SPRED3: variants seen among roughly 807,000 people sequenced by gnomAD.
SPRED3 encodes sprouty related EVH1 domain containing 3.
A neutral mutation model predicts 37.6 loss-of-function variants in SPRED3; 23 were observed. The ratio of observed to expected loss-of-function variants is 0.61; its 90% CI spans 0.44 to 0.87. The LOEUF (loss-of-function observed/expected upper bound fraction) is 0.87, where lower values mean the gene tolerates loss of function less well. Ranked by LOEUF, SPRED3 falls within the 40% of genes least tolerant of loss-of-function variation. SPRED3 has a pLI of 0.00. For missense variants in SPRED3, 584 were observed against 618.6 expected (o/e 0.94, Z 0.59); for synonymous variants, 302 against 279.6 (o/e 1.08, Z -0.80).
chr19:38,397,173 G>A lies in SPRED3; in HGVS notation c.*1028G>A, dbSNP rs1008672284. 6.6e-6 allele frequency: 1 copy of A among 152,132 alleles called. No homozygotes were observed. Among genetic ancestry groups the A allele is most frequent in the Non-Finnish European group, 1.5e-5 (1 of 68,032 alleles). 9.4% of individuals were successfully genotyped at this position (152,132 alleles called of 1,614,324 possible). ...GATACTGGTCTCGAGTTCTCAAATA[G>A]CCCTCTCTTGCAGTCCCTCCTGGAC... On this transcript the variant is annotated 3_prime_UTR_variant, in exon 6 of 6. Transcript: ENST00000691638.
Position 38,394,332 on chromosome 19 carries a change from C to T in SPRED3, c.424-311C>T, listed in dbSNP as rs775824605. On this transcript the variant is annotated intron_variant, in intron 4 of 5. Coordinates refer to ENST00000691638, the MANE Select transcript of SPRED3 (RefSeq NM_001394336.1). Reference sequence around the variant, plus strand: ...GAGCTGATTAGATCAGGAGAAGAGTCCCACAAAAATAACAATAACCATTTC... The same window carrying T: ...GAGCTGATTAGATCAGGAGAAGAGTTCCACAAAAATAACAATAACCATTTC... 3 of 1,508,186 alleles carry T rather than the reference C, an allele frequency of 2.0e-6. No homozygotes were observed. The South Asian group carries it at 3.4e-5, about 17-fold the overall frequency. The allele number at this position is 1,508,186 out of a possible 1,614,324, so 93.4% of individuals were successfully genotyped here. A position where few individuals can be genotyped will look rare whatever the true frequency, so the allele number is the denominator to read the frequency against.
At chr19:38,394,994 C>T (rs543777552) in intron 5 of SPRED3, among the ~76,000 whole-genome samples, 2 of 152,172 alleles carry the variant, frequency 1.3e-5, no homozygotes, top group Non-Finnish European at 2.9e-5. Flanking sequence ...GCGGGCCTCC[C>T]GAGTCTCCTT....
At chr19:38,392,329 G>A in intron 4 of SPRED3, 41 bp downstream of exon 4, 2 of 1,466,990 alleles carry the variant, frequency 1.4e-6, no homozygotes, top group Non-Finnish European at 1.8e-6. Context: ...GAGGGTAGGG[G>A]TTTTGTTTTT....
chr19:38,396,695 CCAGGACCCCTGAGACAG>C lies in SPRED3; in HGVS notation c.*565_*581del, dbSNP rs946041172. ...CCACATCTGAGACATTCTCATAGTC[CCAGGACCCCTGAGACAG>C]CAGGACCCCTGAGAAAGTTTCAAAC... On this transcript the variant is annotated 3_prime_UTR_variant, in exon 6 of 6. Coordinates refer to ENST00000691638, the MANE Select transcript of SPRED3 (RefSeq NM_001394336.1). 10 of 152,122 alleles carry C rather than the reference CCAGGACCCCTGAGACAG, an allele frequency of 6.6e-5. No individual in the cohort carries two copies. Among genetic ancestry groups the C allele is most frequent in the African/African-American group, 1.9e-4 (8 of 41,416 alleles). The allele number at this position is 152,122 out of a possible 1,614,324, so 9.4% of individuals were successfully genotyped here.
chr19:38,394,440 C>A, intron 4 of SPRED3: 2 of 1,497,834 alleles, frequency 1.3e-6, no homozygotes, highest in Non-Finnish European at 1.9e-6. Flanking sequence ...CTCTTAGGAT[C>A]CCCGTTTTAC....
chr19:38,390,775 C>CCCCCG (rs1555745952), intron 2 of SPRED3, among the ~76,000 whole-genome samples: 41 of 124,746 alleles, frequency 3.3e-4, no homozygotes, highest in African/African-American at 1.1e-3. Context: ...CCCCCCCCCC[C>CCCCCG]CCGCCCCGAC....
At chr19:38,393,772 G>T (rs1970860906) in intron 4 of SPRED3, among the ~76,000 whole-genome samples, 1 of 152,170 alleles carries the variant, frequency 6.6e-6, no homozygotes, top group African/African-American at 2.4e-5. Context: ...GTAAATATGT[G>T]TTGAATAAAC....
chr19:38,395,884 C>T lies in SPRED3; in HGVS notation c.972C>T (p.Leu324=). 2 of 1,501,126 alleles carry T rather than the reference C, an allele frequency of 1.3e-6. No individual in the cohort carries two copies. The highest frequency in any genetic ancestry group is 1.8e-6 in the Non-Finnish European group (2 of 1,133,448). The allele number at this position is 1,501,126 out of a possible 1,614,324, so 93.0% of individuals were successfully genotyped here. ...CAGAGGCCCCGGACCCGGGTCGCCT[C>T]CTGGTGCGCCGTCTAAGCTGCCTGT... ...RCAEAPDPGR[L]LVRRLSCLWC... The change falls in exon 6 of 6, where the codon CTC becomes CTT. Residue 324 remains leucine (L), a synonymous_variant. Transcript: ENST00000691638. The surrounding 1 kb of genome is among the most constrained non-coding windows in gnomAD (Gnocchi z 5.2).
chr19:38,392,453 T>C, intron 4 of SPRED3, 165 bp downstream of exon 4: 1 of 756,952 alleles, frequency 1.3e-6, no homozygotes. Flanking sequence ...ATTCTAGTCT[T>C]TCTGCCCTGT....
chr19:38,392,509 T>C (rs900831351), intron 4 of SPRED3: 12 of 488,532 alleles, frequency 2.5e-5, no homozygotes, highest in African/African-American at 9.7e-5. Flanking sequence ...GTACCTTCTG[T>C]ATACCAGGCA....
rs1236538959 is a variant in SPRED3 at position 38,395,568 on chromosome 19, G to A, written c.656G>A (p.Gly219Asp). The A allele has an allele frequency of 1.6e-5, 25 of 1,554,592 alleles. No individual in the cohort carries two copies. Among genetic ancestry groups the A allele is most frequent in the Non-Finnish European group, 1.9e-5 (22 of 1,153,342 alleles). ...GAGGLGWGGR[G>D]YEDYRRSGPP... ...GGGGGCCTGGGGTGGGGCGGCCGCG[G>A]CTACGAGGATTACCGGCGCTCCGGG... The change falls in exon 6 of 6, where the codon GGC becomes GAC. Residue 219 changes from glycine (G) to aspartate (D), a missense_variant. Around this residue, in one of 7 missense-constraint regions of SPRED3, gnomAD observed 310 missense variants for 281.1 expected, o/e 1.10. Coordinates refer to ENST00000691638, the MANE Select transcript of SPRED3 (RefSeq NM_001394336.1). This position sits in a 1 kb window ranked among gnomAD's most constrained non-coding sequence, Gnocchi z 5.2.
intron 4 of SPRED3, 46 bp from the exon 5 acceptor site, chr19:38,394,597 C>A: frequency 1.3e-6 from 2 of 1,560,546 alleles, no homozygotes; most frequent in South Asian, 1.2e-5. Flanking sequence ...AGGGCATCGG[C>A]TGTGCGGGGG....
At chr19:38,390,620 T>G (rs2145151251) in intron 2 of SPRED3, 141 bp downstream of exon 2, 1 of 651,314 alleles carries the variant, frequency 1.5e-6, no homozygotes, top group South Asian at 5.1e-5. Context: ...ATATCTGTCC[T>G]GTAGATAAGA....
chr19:38,396,507 G>A lies in SPRED3; in HGVS notation c.*362G>A, dbSNP rs1970900028. The A allele has an allele frequency of 5.8e-6, 1 of 172,660 alleles. No homozygotes were observed. The highest frequency in any genetic ancestry group is 1.2e-5 in the Non-Finnish European group (1 of 82,060). 10.7% of individuals were successfully genotyped at this position (172,660 alleles called of 1,614,324 possible). On this transcript the variant is annotated 3_prime_UTR_variant, in exon 6 of 6. Transcript: ENST00000691638. ...GTTGAAATGAACAACCTAGAACCCG[G>A]TCACGCCTGGCACCATGTCCCTCAG... is the stretch of plus-strand genomic sequence containing the variant.
Position 38,391,879 on chromosome 19 carries a change from G to A in SPRED3, c.178-67G>A. 5 of 1,578,634 alleles carry A rather than the reference G, an allele frequency of 3.2e-6. No homozygotes were observed. In the South Asian group the frequency reaches 4.6e-5, roughly 14 times the overall value. On this transcript the variant is annotated intron_variant, in intron 2 of 5. Coordinates refer to ENST00000691638, the MANE Select transcript of SPRED3 (RefSeq NM_001394336.1). ...CACTAGGGTATGCATGGGGGCTGGT[G>A]ATGGACGAGACGTCACAGGCATGTC...
At chr19:38,390,510 A>G in intron 2 of SPRED3, 31 bp downstream of exon 2, 3 of 787,686 alleles carry the variant, frequency 3.8e-6, no homozygotes, top group Non-Finnish European at 3.3e-6. Flanking sequence ...CGGGGAGGGT[A>G]GGGACCTGGG....
chr19:38,391,947 C>G lies in SPRED3; in HGVS notation c.179C>G (p.Thr60Arg). Residue 60 changes from threonine (T) to arginine (R), a missense_variant and splice_region_variant, in exon 3 of 6, where the codon ACA becomes AGA. Thr to Arg is a moderately conservative substitution (Grantham distance 71). Transcript: ENST00000691638. ...CCCTGCTTTCCTTCTGCCCCTCAGA[C>G]AACCTTGGAGTGTACACTGAAGCCA... Reference protein sequence around the residue: ...IHGERLRDQKTTLECTLKPGL... With the variant: ...IHGERLRDQKRTLECTLKPGL... The G allele has an allele frequency of 1.2e-6, 2 of 1,613,644 alleles. No individual in the cohort carries two copies. Among genetic ancestry groups the G allele is most frequent in the Non-Finnish European group, 1.7e-6 (2 of 1,179,706 alleles).
At chr19:38,391,802 G>A (rs921244777) in intron 2 of SPRED3, 144 bp from the exon 3 acceptor site, 1 of 932,604 alleles carries the variant, frequency 1.1e-6, no homozygotes. Context: ...TATCAGTGTT[G>A]ATCAGAGTTC....
Position 38,395,952 on chromosome 19 carries a change from A to T in SPRED3, c.1040A>T (p.Glu347Val). ...CTCTACCACTGCCTGTCGGACGCCGAGGGCGACTTCTCGGACCCGTGCGCC... is the reference window on the plus strand; with the variant it reads ...CTCTACCACTGCCTGTCGGACGCCGTGGGCGACTTCTCGGACCCGTGCGCC... ...SLLYHCLSDA[E>V]GDFSDPCACE... Residue 347 changes from glutamate (E) to valine (V), a missense_variant, in exon 6 of 6, where the codon GAG (glutamate) becomes GTG (valine). Physicochemically the swap from Glu to Val is moderately radical, Grantham distance 121 (BLOSUM62 -2). Around this residue, in one of 7 missense-constraint regions of SPRED3, gnomAD observed 85 missense variants for 117.8 expected, o/e 0.72. Transcript: ENST00000691638. This position sits in a 1 kb window ranked among gnomAD's most constrained non-coding sequence, Gnocchi z 5.2. The T allele has an allele frequency of 6.7e-7, 1 of 1,494,818 alleles. No homozygotes were observed. Among genetic ancestry groups the T allele is most frequent in the Non-Finnish European group, 8.8e-7 (1 of 1,130,028 alleles). 92.6% of individuals were successfully genotyped at this position (1,494,818 alleles called of 1,614,324 possible).
Sources: gnomAD v4.1 joint callset for allele counts (sites outside exome capture counted in the v4.1 genomes callset) on GRCh38, gnomAD v4.1.1 for gene constraint, gnomAD v4.1.1 regional missense constraint, Gnocchi (gnomAD v3.1) non-coding constraint, MANE v1.5 for transcripts, NCBI Gene and HGNC (gene_info 2026-07-23, HGNC 2026-07-21) for gene names.